Variants in DLC1 observed in about 807,000 individuals in gnomAD.
DLC1 encodes DLC1 Rho GTPase activating protein.
Under a neutral mutation model 140.3 loss-of-function variants are expected in DLC1, and 54 were observed. The ratio of observed to expected loss-of-function variants is 0.38; its 90% confidence interval spans 0.31 to 0.48. DLC1 has a LOEUF of 0.48. Among genes scored for constraint, DLC1 ranks in the 20% least tolerant of loss-of-function variants. DLC1 has a pLI of 0.96. For missense variants in DLC1, 2,536 were observed against 1,907.0 expected (o/e 1.33, Z -6.14); for synonymous variants, 986 against 728.1 (o/e 1.35, Z -5.70).
chr8:13,361,633 T>A (rs991781410), intron 4 of DLC1, among the ~76,000 whole-genome samples: 8 of 152,112 alleles, frequency 5.3e-5, no homozygotes. Context: ...GTAGAATGTG[T>A]TTAAAAAGTC....
At chr8:13,225,941 C>T (rs1179710172) in intron 5 of DLC1, among the ~76,000 whole-genome samples, 3 of 152,072 alleles carry the variant, frequency 2.0e-5, no homozygotes, top group Non-Finnish European at 4.4e-5. Context: ...GAGAAGCGGT[C>T]TCCCTGTGTT....
chr8:13,507,057 G>C (rs959772666), intron 1 of DLC1, among the ~76,000 whole-genome samples: 1 of 152,088 alleles, frequency 6.6e-6, no homozygotes, highest in Non-Finnish European at 1.5e-5. Flanking sequence ...ATGATCACAG[G>C]AGCACAACTT....
At chr8:13,292,330 C>T (rs1831788125) in intron 5 of DLC1, among the ~76,000 whole-genome samples, 1 of 152,172 alleles carries the variant, frequency 6.6e-6, no homozygotes, top group Non-Finnish European at 1.5e-5. Context: ...TTGTCATGGA[C>T]CATCTGGGAG....
chr8:13,589,780 T>G (rs1805454740), intron 1 of DLC1, among the ~76,000 whole-genome samples: 1 of 151,692 alleles, frequency 6.6e-6, no homozygotes, highest in Non-Finnish European at 1.5e-5. Flanking sequence ...TTTTTTTAAT[T>G]TAAAGAATTT....
At chr8:13,187,992 T>C (rs914897328) in intron 5 of DLC1, among the ~76,000 whole-genome samples, 1 of 152,154 alleles carries the variant, frequency 6.6e-6, no homozygotes, top group African/African-American at 2.4e-5. Context: ...GAAAAGTACT[T>C]GTAAAAATAG....
At chr8:13,119,523 C>A (rs1005181677) in intron 5 of DLC1, among the ~76,000 whole-genome samples, 5 of 152,180 alleles carry the variant, frequency 3.3e-5, no homozygotes, top group African/African-American at 1.2e-4. Context: ...GCTTAATACG[C>A]ATAAGGCCCT....
intron 1 of DLC1, among the ~76,000 whole-genome samples, chr8:13,528,983 T>C (rs1003690823): frequency 1.3e-5 from 2 of 152,174 alleles, no homozygotes; most frequent in Non-Finnish European, 2.9e-5. Flanking sequence ...TTAGCTTATG[T>C]CTGAATAGCT....
At chr8:13,153,933 C>T (rs974259152) in intron 5 of DLC1, among the ~76,000 whole-genome samples, 3 of 151,612 alleles carry the variant, frequency 2.0e-5, no homozygotes, top group Non-Finnish European at 4.4e-5. Flanking sequence ...TAGACAAGAG[C>T]ACTGATTGGT....
chr8:13,394,137 T>A (rs977798839), intron 3 of DLC1, among the ~76,000 whole-genome samples: 1 of 152,240 alleles, frequency 6.6e-6, no homozygotes, highest in African/African-American at 2.4e-5. Context: ...CATTTCTTCT[T>A]ACCTCAATCT....
intron 1 of DLC1, among the ~76,000 whole-genome samples, chr8:13,502,349 G>A (rs1050482450): frequency 6.6e-6 from 1 of 152,018 alleles, no homozygotes; most frequent in African/African-American, 2.4e-5. Context: ...TTCTGTAAGT[G>A]TACACTTTTA....
chr8:13,221,563 G>C (rs1350911560), intron 5 of DLC1, among the ~76,000 whole-genome samples: 2 of 150,286 alleles, frequency 1.3e-5, no homozygotes, highest in South Asian at 4.2e-4. Context: ...TAGAGATGAG[G>C]TTTCACCATG....
intron 4 of DLC1, among the ~76,000 whole-genome samples, chr8:13,329,267 G>C (rs1423251351): frequency 6.6e-6 from 1 of 152,060 alleles, no homozygotes; most frequent in Non-Finnish European, 1.5e-5. Flanking sequence ...CTATCTGCTG[G>C]TCCTATAGAG....
At chr8:13,411,345 T>C (rs970686132) in intron 2 of DLC1, among the ~76,000 whole-genome samples, 5 of 152,304 alleles carry the variant, frequency 3.3e-5, no homozygotes, top group African/African-American at 9.6e-5. Flanking sequence ...AATTATATGA[T>C]ATTCTGGAGA....
At chr8:13,219,022 G>T (rs11986941) in intron 5 of DLC1, among the ~76,000 whole-genome samples, 3 of 82,104 alleles carry the variant, frequency 3.7e-5, no homozygotes, top group African/African-American at 5.3e-5. Flanking sequence ...AATTATATAC[G>T]TATATAATTA....
Position 13,085,825 on chromosome 8 carries a change from T to G in DLC1, c.4573A>C (p.Thr1525Pro). 1 of 1,614,152 alleles carries G rather than the reference T, an allele frequency of 6.2e-7. No homozygotes were observed. The highest frequency in any genetic ancestry group is 1.6e-4 in the Middle Eastern group (1 of 6,062). ...TGCTTCAGTGATCACCTAGATTTGG[T>G]GTCTTTGGTTTCAGTGTTCTGGTTA... The part of the protein sequence containing the change: ...FSNQNTETKD[T>P]KSR Residue 1525 changes from threonine to proline, a missense_variant, in exon 18 of 18, where the codon ACC becomes CCC. Physicochemically the swap from Thr to Pro is conservative, Grantham distance 38 (BLOSUM62 -1). Coordinates refer to ENST00000276297, the MANE Select transcript of DLC1 (RefSeq NM_182643.3).
intron 1 of DLC1, among the ~76,000 whole-genome samples, chr8:13,526,838 G>C (rs1013377955): frequency 2.0e-5 from 3 of 152,088 alleles, no homozygotes; most frequent in African/African-American, 7.2e-5. Flanking sequence ...GAGTTAACGG[G>C]TGCAGCACAC....
chr8:13,533,458 G>C (rs73665136), intron 1 of DLC1, among the ~76,000 whole-genome samples: 4,301 of 151,994 alleles, frequency 0.028, 200 homozygotes, highest in African/African-American at 0.098. Context: ...TGAGTGGGAG[G>C]GACTCAATAT....
At chr8:13,177,072 G>C (rs539469808) in intron 5 of DLC1, among the ~76,000 whole-genome samples, 1 of 152,210 alleles carries the variant, frequency 6.6e-6, no homozygotes, top group African/African-American at 2.4e-5. Flanking sequence ...ATATAACCAA[G>C]TGTTTACATT....
chr8:13,136,590 C>T (rs942472547), intron 5 of DLC1, among the ~76,000 whole-genome samples: 5 of 152,176 alleles, frequency 3.3e-5, no homozygotes, highest in South Asian at 4.1e-4. Context: ...TCACTGCAGC[C>T]GAATGTCTGT....
Sources: allele counts gnomAD v4.1 joint callset (sites outside exome capture counted in the v4.1 genomes callset), GRCh38; gene constraint gnomAD v4.1.1; transcripts MANE v1.5; gene names NCBI Gene and HGNC (gene_info 2026-07-23, HGNC 2026-07-21).